Variants in PDZD2 observed in about 807,000 individuals in gnomAD.
PDZD2 encodes the protein PDZ domain containing 2, also known as PDZ domain-containing protein 2.
A neutral mutation model predicts 220.7 loss-of-function variants in PDZD2; 90 were observed. The observed-to-expected ratio is 0.41, with a 90% CI of 0.34 to 0.49. The LOEUF is 0.49. Ranked by LOEUF, PDZD2 falls within the 20% of genes least tolerant of loss-of-function variation. The pLI is 0.28. For missense variants in PDZD2, 3,174 were observed against 3,608.5 expected, an observed-to-expected ratio of 0.88 and a Z score of 3.08; for synonymous variants, 1,375 against 1,450.5, an observed-to-expected ratio of 0.95 and a Z score of 1.18.
chr5:31,816,355 C>T (rs986469061), intron 2 of PDZD2, among the ~76,000 whole-genome samples: 5 of 151,566 alleles, frequency 3.3e-5, no homozygotes, highest in African/African-American at 1.2e-4. Flanking sequence ...AATTTGAGGA[C>T]CTTATCTCTG....
chr5:32,053,290 G>A (rs1316244578), intron 9 of PDZD2, among the ~76,000 whole-genome samples: 5 of 152,178 alleles, frequency 3.3e-5, no homozygotes, highest in African/African-American at 7.2e-5. Context: ...ATTTCATGGC[G>A]TTGCCATTAT....
intron 1 of PDZD2, among the ~76,000 whole-genome samples, chr5:31,723,908 G>A (rs994286654): frequency 1.1e-4 from 17 of 152,096 alleles, no homozygotes; most frequent in African/African-American, 3.4e-4. Flanking sequence ...GTTAGCCACC[G>A]TGCCCAGCCC....
At chr5:31,730,735 A>G (rs571037156) in intron 1 of PDZD2, among the ~76,000 whole-genome samples, 4 of 152,168 alleles carry the variant, frequency 2.6e-5, no homozygotes, top group Non-Finnish European at 5.9e-5. Flanking sequence ...TGAGAAAGTC[A>G]CCAGCTTTAT....
intron 18 of PDZD2, among the ~76,000 whole-genome samples, chr5:32,077,219 A>G (rs1002204213): frequency 2.6e-5 from 4 of 152,044 alleles, no homozygotes; most frequent in Admixed American, 2.0e-4. Flanking sequence ...TTTAAGCTCT[A>G]TGAGTAAGAC....
At chr5:31,768,396 A>G (rs1752149765) in intron 1 of PDZD2, among the ~76,000 whole-genome samples, 1 of 152,118 alleles carries the variant, frequency 6.6e-6, no homozygotes, top group South Asian at 2.1e-4. Flanking sequence ...TAATCCCAGC[A>G]CTTTGGGAGC....
Position 31,799,288 on chromosome 5 carries a change from C to G in PDZD2, c.40C>G (p.Leu14Val), listed in dbSNP as rs1242680906. The change falls in exon 2 of 25, where the codon CTC becomes GTC. Residue 14 changes from leucine to valine, a missense_variant. Physicochemically the swap from Leu to Val is conservative, Grantham distance 32 (BLOSUM62 1). Transcript: ENST00000438447. The part of the protein sequence containing the change: ...TQDNAVLHLP[L>V]LYQWLQNSLQ... The stretch of plus-strand genomic sequence containing the variant: ...GGACAATGCCGTGCTGCACCTGCCC[C>G]TCCTCTACCAGTGGCTGCAGAACAG... 5 of 1,612,770 alleles carry G rather than the reference C, an allele frequency of 3.1e-6. No individual in the cohort carries two copies. Among genetic ancestry groups the G allele is most frequent in the Non-Finnish European group, 4.2e-6 (5 of 1,179,262 alleles).
At chr5:32,056,313 G>C (rs1054443771) in intron 10 of PDZD2, among the ~76,000 whole-genome samples, 4 of 143,820 alleles carry the variant, frequency 2.8e-5, no homozygotes, top group African/African-American at 9.8e-5. Flanking sequence ...CTCATCTACA[G>C]GATTCCTTGA....
At chr5:31,681,180 G>A (rs993261259) in intron 1 of PDZD2, among the ~76,000 whole-genome samples, 1 of 152,164 alleles carries the variant, frequency 6.6e-6, no homozygotes, top group African/African-American at 2.4e-5. Context: ...CTTTCAACAT[G>A]TAATGAACAT....
At chr5:31,759,923 G>T (rs1486556830) in intron 1 of PDZD2, among the ~76,000 whole-genome samples, 2 of 152,124 alleles carry the variant, frequency 1.3e-5, no homozygotes, top group African/African-American at 2.4e-5. Context: ...TCAGATAAAA[G>T]ATCATCAAAA....
chr5:31,881,839 C>T (rs970984928), intron 2 of PDZD2, among the ~76,000 whole-genome samples: 3 of 151,984 alleles, frequency 2.0e-5, no homozygotes, highest in Non-Finnish European at 2.9e-5. Flanking sequence ...CTCAGCCTCC[C>T]GAGTAGCTGG....
At chr5:31,939,709 A>C (rs1746054018) in intron 2 of PDZD2, among the ~76,000 whole-genome samples, 1 of 152,170 alleles carries the variant, frequency 6.6e-6, no homozygotes, top group Non-Finnish European at 1.5e-5. Context: ...AGCCCTTAAC[A>C]AGCCAACTCA....
chr5:31,655,853 T>G (rs1338592384), intron 1 of PDZD2, among the ~76,000 whole-genome samples: 1 of 152,252 alleles, frequency 6.6e-6, no homozygotes, highest in Non-Finnish European at 1.5e-5. Flanking sequence ...TTTTAAGGAC[T>G]TTGCCTCTGT....
intron 4 of PDZD2, among the ~76,000 whole-genome samples, chr5:31,998,551 G>A (rs1017505574): frequency 2.0e-5 from 3 of 152,214 alleles, no homozygotes; most frequent in Non-Finnish European, 4.4e-5. Flanking sequence ...AGAGACTGGA[G>A]ACAAACGGAG....
intron 2 of PDZD2, among the ~76,000 whole-genome samples, chr5:31,872,156 T>TGTGTGTGTGTGTGC (rs1738877599): frequency 6.6e-6 from 1 of 151,798 alleles, no homozygotes; most frequent in Non-Finnish European, 1.5e-5. Flanking sequence ...TGTGTGTGTG[T>TGTGTGTGTGTGTGC]GTGTGTGTGT....
At chr5:31,867,798 G>C (rs1317198203) in intron 2 of PDZD2, among the ~76,000 whole-genome samples, 2 of 151,436 alleles carry the variant, frequency 1.3e-5, no homozygotes, top group African/African-American at 4.9e-5. Context: ...TTCTACATAT[G>C]TGTGTCAGCC....
At chr5:31,715,224 T>C (rs919248065) in intron 1 of PDZD2, among the ~76,000 whole-genome samples, 1 of 152,156 alleles carries the variant, frequency 6.6e-6, no homozygotes. Context: ...GAGAGGGCTT[T>C]GTAGTAGAGA....
At chr5:31,893,601 G>T (rs549628442) in intron 2 of PDZD2, among the ~76,000 whole-genome samples, 7 of 152,042 alleles carry the variant, frequency 4.6e-5, no homozygotes, top group African/African-American at 1.2e-4. Flanking sequence ...AAAACAGGTG[G>T]ATAATGAATT....
At chr5:32,033,557 G>C (rs1056307880) in intron 6 of PDZD2, among the ~76,000 whole-genome samples, 1 of 151,878 alleles carries the variant, frequency 6.6e-6, no homozygotes, top group Non-Finnish European at 1.5e-5. Flanking sequence ...AACTCTTTGA[G>C]ATATCTCTAG....
intron 5 of PDZD2, among the ~76,000 whole-genome samples, chr5:32,006,923 T>TTTG (rs1752864155): frequency 2.3e-5 from 3 of 129,056 alleles, no homozygotes; most frequent in Admixed American, 7.9e-5. Flanking sequence ...TTTTTTTTTT[T>TTTG]TTTTTTTTTT....
Sources: gnomAD v4.1 joint callset for allele counts (sites outside exome capture counted in the v4.1 genomes callset) on GRCh38, gnomAD v4.1.1 for gene constraint, MANE v1.5 for transcripts, NCBI Gene and HGNC (gene_info 2026-07-23, HGNC 2026-07-21) for gene names.